Variants in LRRK2 observed in about 807,000 individuals in gnomAD.
The protein encoded by LRRK2 is leucine-rich repeat serine/threonine-protein kinase 2.
In LRRK2, 203 loss-of-function variants were observed where a neutral mutation model predicts 302.6. The ratio of observed to expected loss-of-function variants is 0.67; its 90% confidence interval spans 0.60 to 0.75. The LOEUF is 0.75. LRRK2 is among the 30% of genes least tolerant of loss of function. The probability of loss-of-function intolerance (pLI) is 0.00; values close to 1 mark genes in which losing one functional copy is unlikely to be tolerated. For missense variants in LRRK2, 2,830 were observed against 2,951.0 expected, an observed-to-expected ratio of 0.96 and a Z score of 0.95; for synonymous variants, 1,066 against 1,031.9, an observed-to-expected ratio of 1.03 and a Z score of -0.63.
At chr12:40,251,938 T>A (rs1942293989) in intron 10 of LRRK2, among the ~76,000 whole-genome samples, 1 of 152,198 alleles carries the variant, frequency 6.6e-6, no homozygotes, top group Admixed American at 6.5e-5. Flanking sequence ...GAAATTAGAT[T>A]TGGTTAGAGA....
chr12:40,321,984 T>A, intron 35 of LRRK2, 51 bp from the exon 36 acceptor site: 1 of 1,596,886 alleles, frequency 6.3e-7, no homozygotes, highest in East Asian at 2.2e-5. Flanking sequence ...GCAGTAGATT[T>A]TTTCCCTTTA....
At chr12:40,315,107 AT>A in intron 32 of LRRK2, 104 bp from the exon 33 acceptor site, 1 of 928,956 alleles carries the variant, frequency 1.1e-6, no homozygotes, top group South Asian at 1.3e-5. Flanking sequence ...CTATGCTGAA[AT>A]TTCTTCACCT....
chr12:40,331,317 C>A (rs1472177033), intron 39 of LRRK2, among the ~76,000 whole-genome samples: 1 of 152,198 alleles, frequency 6.6e-6, no homozygotes, highest in Non-Finnish European at 1.5e-5. Flanking sequence ...CTGCATACTG[C>A]AAAGGGATAC....
intron 44 of LRRK2, among the ~76,000 whole-genome samples, chr12:40,352,389 A>C (rs1203655419): frequency 6.6e-6 from 1 of 152,036 alleles, no homozygotes; most frequent in East Asian, 1.9e-4. Flanking sequence ...AAGTTTCTAG[A>C]CTTCAAAGAC....
At position 40,257,376 on chromosome 12, in the gene LRRK2, A is replaced by G; in HGVS notation, c.1417A>G (p.Ser473Gly). Residue 473 changes from serine to glycine, a missense_variant and splice_region_variant, in exon 12 of 51, where the codon AGC becomes GGC. By Grantham distance (56) the Ser-to-Gly change is moderately conservative. Around this residue, in one of 3 missense-constraint regions of LRRK2, gnomAD observed 2,121 missense variants for 2,148.0 expected, o/e 0.99. Coordinates refer to ENST00000298910, the MANE Select transcript of LRRK2 (RefSeq NM_198578.4). ...CKMLNHLFEGSNTSLDIMAAV... is the reference protein window; with the variant it reads ...CKMLNHLFEGGNTSLDIMAAV... The stretch of plus-strand genomic sequence containing the variant: ...AATGCTAAATCATCTTTTTGAAGGA[A>G]GGTAATATAGATTCATTAACTTGTA... 1 of 1,612,392 alleles carries G rather than the reference A, an allele frequency of 6.2e-7. No homozygotes were observed. The highest frequency in any genetic ancestry group is 1.1e-5 in the South Asian group (1 of 91,056).
At position 40,278,261 on chromosome 12, in the gene LRRK2, G is replaced by C; in HGVS notation, c.2241G>C (p.Gln747His). The C allele has an allele frequency of 6.2e-7, 1 of 1,614,018 alleles. No homozygotes were observed. Among genetic ancestry groups the C allele is most frequent in the Non-Finnish European group, 8.5e-7 (1 of 1,179,978 alleles). The change falls in exon 18 of 51, where the codon CAG becomes CAC. Residue 747 changes from glutamine to histidine, a missense_variant and splice_region_variant. Gln to His is a conservative substitution (Grantham distance 24). Around this residue, in one of 3 missense-constraint regions of LRRK2, gnomAD observed 2,121 missense variants for 2,148.0 expected, o/e 0.99. Coordinates refer to ENST00000298910, the MANE Select transcript of LRRK2 (RefSeq NM_198578.4). ...AGGAGGGATCTTCTTTAATTTGTCA[G>C]GTAAATATTCAAGGCCTCACTTTTG... ...QAKEGSSLIC[Q>H]VCEKESSPKL...
chr12:40,281,078 A>AC (rs1943676803), intron 18 of LRRK2, among the ~76,000 whole-genome samples: 1 of 151,672 alleles, frequency 6.6e-6, no homozygotes, highest in East Asian at 1.9e-4. Context: ...AAAAAAAAAA[A>AC]AAACAAAAAA....
Position 40,351,661 on chromosome 12 carries a change from G to T in LRRK2, c.6504G>T (p.Trp2168Cys), listed in dbSNP as rs1417488307. The change falls in exon 44 of 51, where the codon TGG becomes TGT. Residue 2168 changes from tryptophan (W) to cysteine (C), a missense_variant. Physicochemically the swap from Trp to Cys is radical, Grantham distance 215. Transcript: ENST00000298910. ...ACAACAGCAGGAATGCAAGCATTTG[G>T]CTGGGCTGTGGGCACACCGACAGAG... is the stretch of plus-strand genomic sequence containing the variant. The part of the protein sequence containing the change: ...THHNSRNASI[W>C]LGCGHTDRGQ... 36 of 1,614,036 alleles carry T rather than the reference G, an allele frequency of 2.2e-5. No homozygotes were observed. Among genetic ancestry groups the T allele is most frequent in the Non-Finnish European group, 2.8e-5 (33 of 1,180,034 alleles).
At chr12:40,304,615 T>G in intron 27 of LRRK2, 1 of 158,278 alleles carries the variant, frequency 6.3e-6, no homozygotes, top group Admixed American at 6.3e-5. Context: ...CAAAACAACT[T>G]AGAACGCTTT....
chr12:40,339,599 A>T (rs569938653), intron 40 of LRRK2, among the ~76,000 whole-genome samples: 5 of 152,166 alleles, frequency 3.3e-5, no homozygotes, highest in Non-Finnish European at 7.4e-5. Context: ...CCAAGACAAA[A>T]TTGTATTCAT....
At chr12:40,265,830 C>T (rs996566428) in intron 14 of LRRK2, among the ~76,000 whole-genome samples, 1 of 152,024 alleles carries the variant, frequency 6.6e-6, no homozygotes, top group Admixed American at 6.6e-5. Flanking sequence ...CAGAACAGAG[C>T]CCTCAGAAAT....
chr12:40,235,793 G>GTTTTTTTTTT (rs36024911), intron 4 of LRRK2, 79 bp downstream of exon 4: 7 of 464,444 alleles, frequency 1.5e-5, no homozygotes, highest in East Asian at 4.3e-5. Context: ...GTGTGTGTGT[G>GTTTTTTTTTT]TTTTTTTTTT....
chr12:40,346,704 A>G (rs1175726759), intron 41 of LRRK2, 49 bp from the exon 42 acceptor site: 2 of 1,569,972 alleles, frequency 1.3e-6, no homozygotes, highest in Non-Finnish European at 8.7e-7. Flanking sequence ...CCTTGGATGT[A>G]TGAGCCCTGA....
intron 20 of LRRK2, 66 bp downstream of exon 20, chr12:40,287,605 C>CTT (rs1943980432): frequency 6.6e-7 from 1 of 1,507,342 alleles, no homozygotes; most frequent in Admixed American, 1.8e-5. Context: ...CAATAGGACC[C>CTT]AAGACAAAAA....
chr12:40,310,336 T>C, intron 30 of LRRK2, 95 bp from the exon 31 acceptor site: 5 of 1,173,256 alleles, frequency 4.3e-6, no homozygotes, highest in Middle Eastern at 5.5e-4. Flanking sequence ...CTCTTTTCCA[T>C]TCAAGTGAAT....
chr12:40,231,184 A>G (rs989798518), intron 2 of LRRK2, among the ~76,000 whole-genome samples: 9 of 152,260 alleles, frequency 5.9e-5, no homozygotes, highest in Admixed American at 1.3e-4. Context: ...ATCCTTCATT[A>G]TAAGCCACTT....
At chr12:40,308,327 A>G (rs2136812864) in intron 28 of LRRK2, 140 bp from the exon 29 acceptor site, 2 of 645,516 alleles carry the variant, frequency 3.1e-6, no homozygotes, top group Admixed American at 2.9e-5. Context: ...TCTGAAAGAC[A>G]TGTACATTAT....
rs1367660433 is a variant in LRRK2, at chr12:40,367,744, G to A, written c.7563G>A (p.Met2521Ile). 2 of 1,605,716 alleles carry A rather than the reference G, an allele frequency of 1.2e-6. No homozygotes were observed. The highest frequency in any genetic ancestry group is 1.7e-6 in the Non-Finnish European group (2 of 1,175,230). ...TGAGAAAAGAATTAGCTGAAAAAAT[G>A]AGACGAACATCTGTTGAGTAAGAGA... ...IEVRKELAEK[M>I]RRTSVE Residue 2521 changes from methionine (M) to isoleucine (I), a missense_variant, in exon 51 of 51, where the codon ATG becomes ATA. Transcript: ENST00000298910.
chr12:40,352,123 G>A (rs1020639058), intron 44 of LRRK2, among the ~76,000 whole-genome samples: 4 of 152,198 alleles, frequency 2.6e-5, no homozygotes, highest in Admixed American at 2.0e-4. Flanking sequence ...GCCAGGCAAG[G>A]GAGCCAGTCT....
Sources: gnomAD v4.1 joint callset for allele counts (sites outside exome capture counted in the v4.1 genomes callset) on GRCh38, gnomAD v4.1.1 for gene constraint, gnomAD v4.1.1 regional missense constraint, MANE v1.5 for transcripts, NCBI Gene and HGNC (gene_info 2026-07-23, HGNC 2026-07-21) for gene names.